Variants in TAOK3 observed in about 807,000 individuals in gnomAD.
TAOK3 encodes TAO kinase 3, also known as serine/threonine-protein kinase TAO3.
In TAOK3, 40 loss-of-function variants were observed where a neutral mutation model predicts 120.4. That is an observed-to-expected ratio of 0.33 (90% CI 0.26 to 0.43). The LOEUF is 0.43. TAOK3 is among the 20% of genes least tolerant of loss of function. The probability of loss-of-function intolerance (pLI) is 1.00; values close to 1 mark genes in which losing one functional copy is unlikely to be tolerated. For synonymous variants in TAOK3, 355 were observed against 387.5 expected, an observed-to-expected ratio of 0.92 and a Z score of 0.99; for missense variants, 821 against 1,112.1, an observed-to-expected ratio of 0.74 and a Z score of 3.72.
In TAOK3 at chr12:118,161,901, G is replaced by T; in HGVS notation, c.2026C>A (p.Arg676Ser). The T allele has an allele frequency of 6.2e-7, 1 of 1,614,014 alleles. No individual in the cohort carries two copies. The highest frequency in any genetic ancestry group is 8.5e-7 in the Non-Finnish European group (1 of 1,180,016). The change falls in exon 18 of 21, where the codon CGT becomes AGT. Residue 676 changes from arginine (R) to serine (S), a missense_variant. This residue lies in a region of TAOK3 where 354 missense variants were observed against 572.1 expected (regional missense o/e 0.62). Coordinates refer to ENST00000392533, the MANE Select transcript of TAOK3 (RefSeq NM_016281.4). The surrounding 1 kb of genome is among the most constrained non-coding windows in gnomAD (Gnocchi z 4.5). ...TLQKLRMDLI[R>S]LQHQTELENQ... is the part of the protein sequence containing the mutation. ...TCCAGTTCCGTCTGGTGCTGTAAAC[G>T]GATCAGATCCATGCGTAGCTTCTGT...
At position 118,177,183 on chromosome 12, in the gene TAOK3, A is replaced by C; in HGVS notation, c.1695+18T>G. The C allele has an allele frequency of 3.1e-6, 5 of 1,610,856 alleles. No individual in the cohort carries two copies. Among genetic ancestry groups the C allele is most frequent in the Non-Finnish European group, 3.4e-6 (4 of 1,178,374 alleles). Reference sequence around the variant, plus strand: ...ATTCTAATGGCAACTTGGTGAGAACAAACATTGGTATCCTTACCTCTTTTA... The same window carrying C: ...ATTCTAATGGCAACTTGGTGAGAACCAACATTGGTATCCTTACCTCTTTTA... On this transcript the variant is annotated intron_variant, in intron 16 of 20. Coordinates refer to ENST00000392533, the MANE Select transcript of TAOK3 (RefSeq NM_016281.4).
At chr12:118,217,858 T>TAG (rs2039010113) in intron 9 of TAOK3, among the ~76,000 whole-genome samples, 1 of 93,182 alleles carries the variant, frequency 1.1e-5, no homozygotes, top group Non-Finnish European at 2.1e-5. Context: ...TATATATATA[T>TAG]ATACACTTTT....
At chr12:118,193,153 T>C (rs1411548514) in intron 13 of TAOK3, among the ~76,000 whole-genome samples, 1 of 150,474 alleles carries the variant, frequency 6.6e-6, no homozygotes, top group African/African-American at 2.4e-5. Flanking sequence ...CCTGGGTTCA[T>C]TTTTGTGCCT....
chr12:118,221,620 G>A (rs1459194168), intron 9 of TAOK3, among the ~76,000 whole-genome samples: 4 of 150,116 alleles, frequency 2.7e-5, no homozygotes, highest in East Asian at 2.0e-4. Flanking sequence ...CTTGTGATAC[G>A]GAATACATAT....
At chr12:118,262,914 T>C (rs529861743) in intron 2 of TAOK3, among the ~76,000 whole-genome samples, 1 of 150,252 alleles carries the variant, frequency 6.7e-6, no homozygotes, top group South Asian at 2.1e-4. Flanking sequence ...AAAATAATAA[T>C]GACATAAAGA....
intron 1 of TAOK3, among the ~76,000 whole-genome samples, chr12:118,344,175 C>A (rs2044752819): frequency 1.3e-5 from 2 of 149,514 alleles, no homozygotes; most frequent in East Asian, 1.9e-4. Flanking sequence ...TCTCCCAGAG[C>A]CCCTAATGTA....
At chr12:118,307,241 G>T (rs1465995477) in intron 1 of TAOK3, among the ~76,000 whole-genome samples, 1 of 151,402 alleles carries the variant, frequency 6.6e-6, no homozygotes. Flanking sequence ...CATCTCTGGA[G>T]TCCTCATAGT....
chr12:118,299,650 G>C, intron 1 of TAOK3, among the ~76,000 whole-genome samples: 1 of 151,982 alleles, frequency 6.6e-6, no homozygotes, highest in Non-Finnish European at 1.5e-5. Flanking sequence ...GCTGGGACTA[G>C]AGGTGCACAC....
At position 118,219,004 on chromosome 12, in the gene TAOK3, G is replaced by A. The variant is rs2039085100; in HGVS notation, c.644-4894C>T. On this transcript the variant is annotated intron_variant, in intron 9 of 20. Coordinates refer to ENST00000392533, the MANE Select transcript of TAOK3 (RefSeq NM_016281.4). Reference sequence around the variant, plus strand: ...CCACGTGGAACTAGGAACTCATCACGTAACCATCAATGGCTTCCCATCATT... The same window carrying A: ...CCACGTGGAACTAGGAACTCATCACATAACCATCAATGGCTTCCCATCATT... Among the ~76,000 whole-genome samples the A allele has an allele frequency of 3.3e-5, 5 of 152,256 alleles. No individual in the cohort carries two copies. The South Asian group carries it at 1.0e-3, about 32-fold the overall frequency.
At chr12:118,323,028 G>A (rs1039264763) in intron 1 of TAOK3, among the ~76,000 whole-genome samples, 18 of 151,998 alleles carry the variant, frequency 1.2e-4, no homozygotes, top group South Asian at 6.2e-4. Flanking sequence ...CCCATTTTAA[G>A]CATCCAGGTT....
chr12:118,239,167 G>A (rs917217332), intron 6 of TAOK3, 60 bp downstream of exon 6: 39 of 1,071,312 alleles, frequency 3.6e-5, no homozygotes, highest in East Asian at 9.5e-5. Flanking sequence ...TTAGTATGGC[G>A]GTAGATAACA....
intron 13 of TAOK3, among the ~76,000 whole-genome samples, chr12:118,196,818 CA>C (rs2037752936): frequency 6.6e-6 from 1 of 152,022 alleles, no homozygotes; most frequent in African/African-American, 2.4e-5. Context: ...TCATTCATTC[CA>C]CAGTTATTTA....
chr12:118,216,068 C>T (rs960212820), intron 9 of TAOK3, among the ~76,000 whole-genome samples: 1 of 152,108 alleles, frequency 6.6e-6, no homozygotes, highest in Admixed American at 6.5e-5. Context: ...CATGTTGGCA[C>T]AAGCCTGTAA....
intron 1 of TAOK3, among the ~76,000 whole-genome samples, chr12:118,346,380 T>C (rs369010762): frequency 9.9e-5 from 15 of 152,218 alleles, no homozygotes; most frequent in African/African-American, 3.6e-4. Flanking sequence ...AAGTGACATA[T>C]ATTTGTCATT....
intron 1 of TAOK3, among the ~76,000 whole-genome samples, chr12:118,273,488 G>T (rs1167031467): frequency 2.0e-5 from 3 of 151,742 alleles, no homozygotes; most frequent in African/African-American, 7.3e-5. Context: ...GGGTGACAGA[G>T]CGAGACTCCG....
At chr12:118,177,415 T>A in intron 15 of TAOK3, 86 bp from the exon 16 acceptor site, 1 of 1,018,348 alleles carries the variant, frequency 9.8e-7, no homozygotes, top group Non-Finnish European at 1.4e-6. Context: ...AGTAAGACAG[T>A]CCATGAGTGC....
chr12:118,169,320 C>A (rs181429308), intron 17 of TAOK3, among the ~76,000 whole-genome samples: 2,319 of 99,850 alleles, frequency 0.023, 69 homozygotes, highest in East Asian at 0.081. Flanking sequence ...ACCCCCACCC[C>A]CCCCCCTTTT....
At chr12:118,306,841 T>A (rs1358841238) in intron 1 of TAOK3, among the ~76,000 whole-genome samples, 1 of 152,212 alleles carries the variant, frequency 6.6e-6, no homozygotes, top group Non-Finnish European at 1.5e-5. Flanking sequence ...AATAGAATGC[T>A]CCATAATGAA....
chr12:118,355,439 A>G (rs554716629), intron 1 of TAOK3, among the ~76,000 whole-genome samples: 1 of 152,382 alleles, frequency 6.6e-6, no homozygotes, highest in African/African-American at 2.4e-5. Flanking sequence ...GAAAAATGTT[A>G]CTAAAGTGAA....
Sources: allele counts gnomAD v4.1 joint callset (sites outside exome capture counted in the v4.1 genomes callset), GRCh38; gene constraint gnomAD v4.1.1; regional missense constraint gnomAD v4.1.1; non-coding constraint Gnocchi (gnomAD v3.1); transcripts MANE v1.5; gene names NCBI Gene and HGNC (gene_info 2026-07-23, HGNC 2026-07-21).